Variants in FKBP5 observed in about 807,000 individuals in gnomAD.
FKBP5 encodes FKBP prolyl isomerase 5.
A neutral mutation model predicts 50.5 loss-of-function variants in FKBP5; 23 were observed. That is an observed-to-expected ratio of 0.46 (90% confidence interval 0.33 to 0.65). The LOEUF (loss-of-function observed/expected upper bound fraction) is 0.65. Ranked by LOEUF, FKBP5 falls within the 30% of genes least tolerant of loss-of-function variation. FKBP5 has a pLI of 0.02. For missense variants in FKBP5, 411 were observed against 553.1 expected (o/e 0.74, Z 2.58); for synonymous variants, 176 against 190.6 (o/e 0.92, Z 0.63).
rs770750186 is a variant in FKBP5, at chr6:35,637,202, CT to C, written c.106-45del. The C allele has an allele frequency of 8.9e-6, 14 of 1,569,486 alleles. No homozygotes were observed. The Admixed American group carries it at 1.7e-4, about 19-fold the overall frequency. On this transcript the variant is annotated intron_variant, in intron 2 of 10. Coordinates refer to ENST00000357266, the MANE Select transcript of FKBP5 (RefSeq NM_004117.4). ...AAGAAAAAGGAGGTCAAACTTTTTA[CT>C]TGTAATCAGAGAATAAAAAGGTCAC... is the stretch of plus-strand genomic sequence containing the variant.
rs906129272 is a variant in FKBP5, at chr6:35,598,501, G to T, written c.509-1097C>A. Among the ~76,000 whole-genome samples, 6 of 152,106 alleles carry T rather than the reference G, an allele frequency of 3.9e-5. No homozygotes were observed. In the South Asian group the frequency reaches 1.0e-3, roughly 26 times the overall value. ...GCCTCCCAAAGCGCTGGGATTACAG[G>T]TATGCGCCACCAGGTCTGGCCTAGA... is the stretch of plus-strand genomic sequence containing the variant. On this transcript the variant is annotated intron_variant, in intron 5 of 10. Transcript: ENST00000357266.
intron 4 of FKBP5, 117 bp from the exon 5 acceptor site, chr6:35,619,327 T>G: frequency 3.3e-6 from 2 of 605,696 alleles, no homozygotes; most frequent in Non-Finnish European, 5.8e-6. Context: ...TTAAAATATA[T>G]ACATTCATTT....
intron 3 of FKBP5, among the ~76,000 whole-genome samples, chr6:35,628,354 C>G: frequency 6.6e-6 from 1 of 151,952 alleles, no homozygotes; most frequent in East Asian, 1.9e-4. Flanking sequence ...GAAAGCTACA[C>G]CATATCATAC....
At chr6:35,670,704 C>T (rs1448929786) in intron 1 of FKBP5, among the ~76,000 whole-genome samples, 2 of 150,778 alleles carry the variant, frequency 1.3e-5, no homozygotes, top group Non-Finnish European at 2.9e-5. Context: ...TGCACTCCAG[C>T]CTGGGCAACA....
At chr6:35,635,226 T>C (rs574341337) in intron 3 of FKBP5, among the ~76,000 whole-genome samples, 8 of 152,014 alleles carry the variant, frequency 5.3e-5, no homozygotes, top group Non-Finnish European at 1.2e-4. Context: ...TCCCAGCTAC[T>C]TGGGGGGCTT....
chr6:35,674,362 A>G lies in FKBP5; in HGVS notation c.-20+14442T>C, dbSNP rs770522132. ...CAGACTTAGAAATTATCTGTAACAC[A>G]TAAGAGTTGACAAGTAACCCAAGAG... On this transcript the variant is annotated intron_variant, in intron 1 of 10. Transcript: ENST00000357266. Among the ~76,000 whole-genome samples, 8 of 152,348 alleles carry G rather than the reference A, an allele frequency of 5.3e-5. No individual in the cohort carries two copies. The South Asian group carries it at 8.3e-4, about 16-fold the overall frequency.
intron 1 of FKBP5, among the ~76,000 whole-genome samples, chr6:35,679,973 T>C (rs1361469444): frequency 2.0e-5 from 3 of 152,146 alleles, no homozygotes; most frequent in South Asian, 4.1e-4. Context: ...TATAACTTTA[T>C]TATTTTCATG....
chr6:35,691,578 C>CT (rs937459839), upstream of FKBP5, among the ~76,000 whole-genome samples: 3 of 151,588 alleles, frequency 2.0e-5, no homozygotes, highest in Non-Finnish European at 4.4e-5. Context: ...CTACACGGTT[C>CT]TTTTTTTTTC....
chr6:35,704,578 T>C (rs148525872), intron 2 of FKBP5, among the ~76,000 whole-genome samples: 143 of 132,940 alleles, frequency 1.1e-3, no homozygotes, highest in African/African-American at 4.1e-3. Context: ...GAAAGCCCGA[T>C]AGCTTGTCAA....
In FKBP5 at chr6:35,719,320, G is replaced by C. The variant is rs1030661996; in HGVS notation, c.-20+1008C>G. Among the ~76,000 whole-genome samples, 5 of 152,308 alleles carry C rather than the reference G, an allele frequency of 3.3e-5. No individual in the cohort carries two copies. In the East Asian group the frequency reaches 9.6e-4, roughly 29 times the overall value. On this transcript the variant is annotated intron_variant, in intron 2 of 11. Coordinates refer to the FKBP5 transcript ENST00000536438. ...ATCAGAATCAGTTGCCTCTGCGGTA[G>C]AGACTGACTGGAAGGGGGCACGAAG...
chr6:35,598,037 ACAAAT>A (rs1252076234), intron 5 of FKBP5, among the ~76,000 whole-genome samples: 1 of 152,248 alleles, frequency 6.6e-6, no homozygotes, highest in Non-Finnish European at 1.5e-5. Flanking sequence ...CTATAACTTC[ACAAAT>A]CAAATTACTT....
upstream of FKBP5, among the ~76,000 whole-genome samples, chr6:35,690,530 C>G (rs532110287): frequency 4.0e-5 from 6 of 151,838 alleles, no homozygotes; most frequent in East Asian, 1.9e-4. Flanking sequence ...GAAACCGCCT[C>G]GAGGGCAGGG....
intron 1 of FKBP5, among the ~76,000 whole-genome samples, chr6:35,723,168 G>A (rs1000528053): frequency 6.6e-6 from 1 of 152,164 alleles, no homozygotes; most frequent in Non-Finnish European, 1.5e-5. Context: ...GGGAGGCAGA[G>A]GTTGCAGTGA....
chr6:35,638,561 G>A (rs1002752503), intron 2 of FKBP5, among the ~76,000 whole-genome samples: 7 of 152,154 alleles, frequency 4.6e-5, no homozygotes, highest in African/African-American at 9.6e-5. Flanking sequence ...GAGACTACAG[G>A]CACATGCCAC....
chr6:35,628,858 T>C (rs1329856324), intron 3 of FKBP5, among the ~76,000 whole-genome samples: 1 of 152,100 alleles, frequency 6.6e-6, no homozygotes, highest in South Asian at 2.1e-4. Context: ...GCTGGGATTA[T>C]AGGCATGTGC....
At chr6:35,650,013 A>G (rs1378810923) in intron 1 of FKBP5, among the ~76,000 whole-genome samples, 1 of 152,244 alleles carries the variant, frequency 6.6e-6, no homozygotes, top group Non-Finnish European at 1.5e-5. Context: ...AAGAGTCTAA[A>G]CAAAAACATC....
At chr6:35,702,580 G>A (rs1044669449) in intron 2 of FKBP5, among the ~76,000 whole-genome samples, 2 of 151,532 alleles carry the variant, frequency 1.3e-5, no homozygotes, top group African/African-American at 2.4e-5. Context: ...AACTTCCCGA[G>A]TAGCTGGGAC....
chr6:35,695,313 G>A (rs902246198), intron 2 of FKBP5, among the ~76,000 whole-genome samples: 1 of 152,240 alleles, frequency 6.6e-6, no homozygotes, highest in African/African-American at 2.4e-5. Flanking sequence ...ACAGGTGCAC[G>A]CCACAACGCC....
At chr6:35,624,004 T>A (rs1283791929) in intron 3 of FKBP5, among the ~76,000 whole-genome samples, 2 of 151,902 alleles carry the variant, frequency 1.3e-5, no homozygotes, top group Admixed American at 1.3e-4. Flanking sequence ...TCAGCCCAGT[T>A]TTTTTCCTTT....
Sources: allele counts gnomAD v4.1 joint callset (sites outside exome capture counted in the v4.1 genomes callset), GRCh38; gene constraint gnomAD v4.1.1; transcripts MANE v1.5; gene names NCBI Gene and HGNC (gene_info 2026-07-23, HGNC 2026-07-21).